CCNYL1: variants seen among roughly 807,000 people sequenced by gnomAD.
The protein encoded by CCNYL1 is cyclin Y like 1.
A neutral mutation model predicts 44.2 loss-of-function variants in CCNYL1; 16 were observed. That is an observed-to-expected ratio of 0.36 (90% CI 0.25 to 0.55). The LOEUF (loss-of-function observed/expected upper bound fraction) is 0.55, where lower values mean the gene tolerates loss of function less well. CCNYL1 is among the 20% of genes least tolerant of loss of function. The pLI is 0.85. For missense variants in CCNYL1, 348 were observed against 451.8 expected (o/e 0.77, Z 2.08); for synonymous variants, 159 against 163.2 (o/e 0.97, Z 0.20).
intron 3 of CCNYL1, among the ~76,000 whole-genome samples, chr2:207,730,992 G>T (rs2091721784): frequency 6.6e-6 from 1 of 151,992 alleles, no homozygotes; most frequent in Admixed American, 6.5e-5. Context: ...TCAACATAAT[G>T]ATACTAATCC....
intron 8 of CCNYL1, 150 bp downstream of exon 8, chr2:207,747,363 A>T: frequency 1.9e-6 from 1 of 530,514 alleles, no homozygotes; most frequent in Non-Finnish European, 3.1e-6. Context: ...TTAGTATAAC[A>T]GTTCACAATA....
At chr2:207,714,542 T>C (rs1386924123) in intron 1 of CCNYL1, 3 of 275,662 alleles carry the variant, frequency 1.1e-5, no homozygotes, top group African/African-American at 6.9e-5. Context: ...ACCCATCAAA[T>C]AAACAGGTTG....
At chr2:207,734,899 A>C (rs1245964554) in intron 4 of CCNYL1, among the ~76,000 whole-genome samples, 1 of 152,206 alleles carries the variant, frequency 6.6e-6, no homozygotes, top group Non-Finnish European at 1.5e-5. Context: ...TTTCAGCACA[A>C]ACTGGACTCT....
Position 207,754,440 on chromosome 2 carries a change from C to T in CCNYL1, c.*742C>T, listed in dbSNP as rs2091916627. ...CTTCTCATTTTCTGATAATTTTTCT[C>T]TTGCTAAATAAATGTATTAAAAGAT... On this transcript the variant is annotated 3_prime_UTR_variant, in exon 10 of 10. Coordinates refer to ENST00000295414, the MANE Select transcript of CCNYL1 (RefSeq NM_001330218.2). 2 of 152,584 alleles carry T rather than the reference C, an allele frequency of 1.3e-5. No homozygotes were observed. Among genetic ancestry groups the T allele is most frequent in the South Asian group, 4.1e-4 (2 of 4,828 alleles). The allele number at this position is 152,584 out of a possible 1,614,324, so 9.5% of individuals were successfully genotyped here.
chr2:207,734,098 A>T, intron 4 of CCNYL1, 51 bp downstream of exon 4: 1 of 1,132,092 alleles, frequency 8.8e-7, no homozygotes, highest in Non-Finnish European at 1.3e-6. Flanking sequence ...CCTTATGCTA[A>T]AAGCATCCTA....
Position 207,753,964 on chromosome 2 carries a change from A to G in CCNYL1, c.*266A>G. The G allele has an allele frequency of 6.0e-6, 2 of 334,016 alleles. No homozygotes were observed. Among genetic ancestry groups the G allele is most frequent in the Non-Finnish European group, 1.1e-5 (2 of 183,668 alleles). The allele number at this position is 334,016 out of a possible 1,614,324, so 20.7% of individuals were successfully genotyped here. ...GTGAAGGCTCCCATCCTACACACAG[A>G]TATTTGCTTACTGTGTGGGCCGATA... On this transcript the variant is annotated 3_prime_UTR_variant, in exon 10 of 10. Coordinates refer to ENST00000295414, the MANE Select transcript of CCNYL1 (RefSeq NM_001330218.2).
chr2:207,742,393 A>G, intron 7 of CCNYL1, 51 bp downstream of exon 7: 1 of 1,529,858 alleles, frequency 6.5e-7, no homozygotes, highest in Non-Finnish European at 8.9e-7. Flanking sequence ...TCTTGTACAC[A>G]GGGTATGGTC....
At chr2:207,747,020 ATC>A (rs760141302) in intron 7 of CCNYL1, 25 bp from the exon 8 acceptor site, 16 of 1,589,056 alleles carry the variant, frequency 1.0e-5, no homozygotes, top group Non-Finnish European at 1.4e-5. Context: ...CTGAACTAAA[ATC>A]AAAGACCAGT....
intron 4 of CCNYL1, 80 bp downstream of exon 4, chr2:207,734,127 A>G (rs1432284177): frequency 2.5e-5 from 21 of 838,186 alleles, no homozygotes; most frequent in Non-Finnish European, 4.1e-5. Context: ...CGGTAATTTC[A>G]GCCATTTGAT....
At chr2:207,724,526 T>C (rs1424263297) in intron 1 of CCNYL1, among the ~76,000 whole-genome samples, 1 of 152,234 alleles carries the variant, frequency 6.6e-6, no homozygotes, top group Non-Finnish European at 1.5e-5. Context: ...AGGACATGCG[T>C]ATGATTCATC....
intron 1 of CCNYL1, 35 bp from the exon 2 acceptor site, chr2:207,724,765 C>G (rs1280115459): frequency 1.4e-6 from 2 of 1,467,844 alleles, no homozygotes; most frequent in Admixed American, 1.7e-5. Flanking sequence ...TTCTACTCAC[C>G]TAAAGTGTCA....
chr2:207,719,777 G>A (rs1456425586), intron 1 of CCNYL1, among the ~76,000 whole-genome samples: 1 of 151,958 alleles, frequency 6.6e-6, no homozygotes, highest in Non-Finnish European at 1.5e-5. Flanking sequence ...TGCCGAGGCT[G>A]GAGTGCAGTG....
In CCNYL1 at chr2:207,711,960, G is replaced by T. The variant is rs1235860681; in HGVS notation, c.64G>T (p.Gly22Trp). 3.6e-6 allele frequency: 5 copies of T among 1,402,108 alleles called. No homozygotes were observed. Among genetic ancestry groups the T allele is most frequent in the Non-Finnish European group, 9.3e-7 (1 of 1,075,404 alleles). 86.9% of individuals were successfully genotyped at this position (1,402,108 alleles called of 1,614,324 possible). ...NASPKLGRRA[G>W]SAELYCASDI... ...CAGCCCCAAGCTGGGCCGGCGCGCG[G>T]GGTCGGCGGAGCTGTACTGCGCGTC... Residue 22 changes from glycine (G) to tryptophan (W), a missense_variant, in exon 1 of 10, where the codon GGG becomes TGG. Around this residue, in one of 3 missense-constraint regions of CCNYL1, gnomAD observed 209 missense variants for 247.7 expected, o/e 0.84. Transcript: ENST00000295414.
chr2:207,750,815 T>G, intron 8 of CCNYL1, 142 bp from the exon 9 acceptor site: 1 of 662,442 alleles, frequency 1.5e-6, no homozygotes, highest in Non-Finnish European at 2.5e-6. Context: ...TATGTGAACA[T>G]TAGTATGTTA....
intron 3 of CCNYL1, among the ~76,000 whole-genome samples, chr2:207,732,056 C>T (rs535822788): frequency 5.3e-5 from 8 of 152,078 alleles, no homozygotes; most frequent in African/African-American, 1.7e-4. Context: ...GTGATCCACC[C>T]GCCTTGGCCT....
intron 8 of CCNYL1, among the ~76,000 whole-genome samples, chr2:207,748,582 T>C (rs183358536): frequency 6.6e-6 from 1 of 152,130 alleles, no homozygotes; most frequent in Non-Finnish European, 1.5e-5. Flanking sequence ...TAGAAAAATA[T>C]GAAGGAGCAC....
chr2:207,739,851 A>G (rs1297005005), intron 5 of CCNYL1, among the ~76,000 whole-genome samples: 1 of 152,244 alleles, frequency 6.6e-6, no homozygotes, highest in African/African-American at 2.4e-5. Context: ...GCCTTGATTC[A>G]TGCTGAGAAG....
chr2:207,745,551 T>C (rs566173280), intron 7 of CCNYL1, among the ~76,000 whole-genome samples: 42 of 152,364 alleles, frequency 2.8e-4, no homozygotes, highest in African/African-American at 9.9e-4. Flanking sequence ...GAACATGTCA[T>C]GTTCAATATC....
chr2:207,719,260 T>C (rs1293236761), intron 1 of CCNYL1, among the ~76,000 whole-genome samples: 1 of 152,106 alleles, frequency 6.6e-6, no homozygotes, highest in Non-Finnish European at 1.5e-5. Flanking sequence ...GTGAAAACTT[T>C]GTTTTATAAT....
Sources: gnomAD v4.1 joint callset for allele counts (sites outside exome capture counted in the v4.1 genomes callset) on GRCh38, gnomAD v4.1.1 for gene constraint, gnomAD v4.1.1 regional missense constraint, MANE v1.5 for transcripts, NCBI Gene and HGNC (gene_info 2026-07-23, HGNC 2026-07-21) for gene names.